KIF13A: variants seen among roughly 807,000 people sequenced by gnomAD.
KIF13A encodes the protein kinesin-like protein KIF13A.
KIF13A carries 79 observed loss-of-function variants against 212.2 expected under a neutral mutation model. The observed-to-expected ratio is 0.37, with a 90% CI of 0.31 to 0.45. KIF13A has a LOEUF of 0.45. Ranked by LOEUF, KIF13A falls within the 20% of genes least tolerant of loss-of-function variation. KIF13A has a pLI of 1.00. For missense variants in KIF13A, 1,901 were observed against 2,209.0 expected, an observed-to-expected ratio of 0.86 and a Z score of 2.79; for synonymous variants, 789 against 808.6, an observed-to-expected ratio of 0.98 and a Z score of 0.41.
chr6:17,854,616 C>T (rs1398541625), intron 6 of KIF13A, among the ~76,000 whole-genome samples: 5 of 117,988 alleles, frequency 4.2e-5, no homozygotes, highest in Admixed American at 3.6e-4. Flanking sequence ...AGTGCAGTGG[C>T]GTGATCTCAA....
intron 2 of KIF13A, among the ~76,000 whole-genome samples, chr6:17,964,791 T>A (rs557736225): frequency 6.6e-6 from 1 of 151,996 alleles, no homozygotes; most frequent in African/African-American, 2.4e-5. Context: ...CCCAGGTCAA[T>A]GTTTTTAGAA....
chr6:17,827,013 G>C (rs1380505783), intron 14 of KIF13A, among the ~76,000 whole-genome samples: 1 of 151,532 alleles, frequency 6.6e-6, no homozygotes, highest in East Asian at 1.9e-4. Context: ...AGTGAGCCGA[G>C]ATCTTGCCAC....
At position 17,764,080 on chromosome 6, in the gene KIF13A, C is replaced by T. The variant is rs776223427; in HGVS notation, c.*30G>A. The T allele has an allele frequency of 4.4e-6, 7 of 1,597,810 alleles. No homozygotes were observed. The Admixed American group carries it at 5.1e-5, about 12-fold the overall frequency. On this transcript the variant is annotated 3_prime_UTR_variant, in exon 39 of 39. Coordinates refer to ENST00000259711, the MANE Select transcript of KIF13A (RefSeq NM_022113.6). This position sits in a 1 kb window ranked among gnomAD's most constrained non-coding sequence, Gnocchi z 5.1. ...CCTACCAAGTTGTTGCGGTGAAGGG[C>T]CTCTGGGGTTGACATACAGTTAGAC...
At chr6:17,885,183 C>A (rs1226901245) in intron 3 of KIF13A, among the ~76,000 whole-genome samples, 1 of 151,966 alleles carries the variant, frequency 6.6e-6, no homozygotes, top group Non-Finnish European at 1.5e-5. Context: ...GAAAGGAAAC[C>A]CCAGCACCAA....
intron 2 of KIF13A, among the ~76,000 whole-genome samples, chr6:17,911,975 G>A (rs1561753382): frequency 6.6e-6 from 1 of 152,112 alleles, no homozygotes; most frequent in Admixed American, 6.6e-5. Context: ...ATGTTGCGCA[G>A]GTGGTCTTGA....
chr6:17,778,816 T>C, intron 33 of KIF13A, 131 bp downstream of exon 33: 2 of 1,063,618 alleles, frequency 1.9e-6, no homozygotes, highest in Admixed American at 4.2e-5. Flanking sequence ...GCCAGAGTCC[T>C]TTCAATAGAG....
At chr6:17,950,949 C>G in intron 2 of KIF13A, 1 of 972,896 alleles carries the variant, frequency 1.0e-6, no homozygotes, top group Non-Finnish European at 1.2e-6. Context: ...ACTTTTAAAA[C>G]TTTCTTAATT....
Position 17,912,443 on chromosome 6 carries a change from G to C in KIF13A, c.147-14263C>G, listed in dbSNP as rs1774160030. Among the ~76,000 whole-genome samples, 1 of 152,212 alleles carries C rather than the reference G, an allele frequency of 6.6e-6. No homozygotes were observed. Among genetic ancestry groups the C allele is most frequent in the Non-Finnish European group, 1.5e-5 (1 of 68,034 alleles). ...CTGACCTTCCGTAGGACGCAGGTTTGAATCAGACACCTATACTTCAAGCTC... is the reference window on the plus strand; with the variant it reads ...CTGACCTTCCGTAGGACGCAGGTTTCAATCAGACACCTATACTTCAAGCTC... On this transcript the variant is annotated intron_variant, in intron 2 of 38. Coordinates refer to ENST00000259711, the MANE Select transcript of KIF13A (RefSeq NM_022113.6). This position sits in a 1 kb window ranked among gnomAD's most constrained non-coding sequence, Gnocchi z 4.2.
Position 17,850,396 on chromosome 6 carries a change from T to C in KIF13A, c.644A>G (p.Asn215Ser). 6.2e-7 allele frequency: 1 copy of C among 1,613,926 alleles called. No individual in the cohort carries two copies. Among genetic ancestry groups the C allele is most frequent in the Non-Finnish European group, 8.5e-7 (1 of 1,179,868 alleles). ...KSRTVAATNM[N>S]EESSRSHAVF... is the part of the protein sequence containing the mutation. ...AGCATGGGAGCGGCTGCTTTCTTCG[T>C]TCATGTTGGTAGCAGCTACCGTTCG... Residue 215 changes from asparagine to serine, a missense_variant, in exon 8 of 39, where the codon AAC becomes AGC. Physicochemically the swap from Asn to Ser is conservative, Grantham distance 46. Around this residue, in one of 5 missense-constraint regions of KIF13A, gnomAD observed 506 missense variants for 637.4 expected, o/e 0.79. Coordinates refer to ENST00000259711, the MANE Select transcript of KIF13A (RefSeq NM_022113.6). This position sits in a 1 kb window ranked among gnomAD's most constrained non-coding sequence, Gnocchi z 6.2.
Position 17,951,257 on chromosome 6 carries a change from A to G in KIF13A, c.146+35797T>C. The G allele has an allele frequency of 1.5e-6, 1 of 654,730 alleles. No individual in the cohort carries two copies. Among genetic ancestry groups the G allele is most frequent in the Non-Finnish European group, 2.4e-6 (1 of 420,164 alleles). The allele number at this position is 654,730 out of a possible 1,614,324, so 40.6% of individuals were successfully genotyped here. A position where few individuals can be genotyped will look rare whatever the true frequency, so the allele number is the denominator to read the frequency against. On this transcript the variant is annotated intron_variant, in intron 2 of 38. Coordinates refer to ENST00000259711, the MANE Select transcript of KIF13A (RefSeq NM_022113.6). This position sits in a 1 kb window ranked among gnomAD's most constrained non-coding sequence, Gnocchi z 4.9. Reference sequence around the variant, plus strand: ...AGCCTCCTGCCTCAGTCTCCTGAGTAGCTGGGACCACAGGTATGCGCCACC... The same window carrying G: ...AGCCTCCTGCCTCAGTCTCCTGAGTGGCTGGGACCACAGGTATGCGCCACC...
At position 17,785,785 on chromosome 6, in the gene KIF13A, C is replaced by T. The variant is rs557491391; in HGVS notation, c.3362-144G>A. The T allele has an allele frequency of 3.5e-5, 29 of 830,288 alleles. No homozygotes were observed. The highest frequency in any genetic ancestry group is 1.2e-4 in the Admixed American group (5 of 41,110). The allele number at this position is 830,288 out of a possible 1,614,324, so 51.4% of individuals were successfully genotyped here. ...AAAATAGTTGGGCAGGGTGGTGGTA[C>T]GCATGCCTGTAGTCCCAGATACTCA... On this transcript the variant is annotated intron_variant, in intron 27 of 38. Transcript: ENST00000259711. The surrounding 1 kb of genome is among the most constrained non-coding windows in gnomAD (Gnocchi z 5.8).
Position 17,825,454 on chromosome 6 carries a change from T to C in KIF13A, c.1786+314A>G, listed in dbSNP as rs987185817. Among the ~76,000 whole-genome samples, 1 of 152,182 alleles carries C rather than the reference T, an allele frequency of 6.6e-6. No homozygotes were observed. The highest frequency in any genetic ancestry group is 1.5e-5 in the Non-Finnish European group (1 of 68,040). On this transcript the variant is annotated intron_variant, in intron 16 of 38. Transcript: ENST00000259711. The surrounding 1 kb of genome is among the most constrained non-coding windows in gnomAD (Gnocchi z 4.5). ...AAGGATTCAGATATGACAGGCTCGA[T>C]GATGAGAAATTTGGTAAGGAATTTT... is the stretch of plus-strand genomic sequence containing the variant.
At chr6:17,964,947 C>A (rs747473656) in intron 2 of KIF13A, among the ~76,000 whole-genome samples, 1 of 151,992 alleles carries the variant, frequency 6.6e-6, no homozygotes, top group African/African-American at 2.4e-5. Context: ...CTCAGCCTCC[C>A]GAGTAGCTGG....
At chr6:17,858,287 G>C (rs1477142167) in intron 4 of KIF13A, among the ~76,000 whole-genome samples, 3 of 152,174 alleles carry the variant, frequency 2.0e-5, no homozygotes, top group Non-Finnish European at 4.4e-5. Context: ...GGTGGAATAT[G>C]TGGATTTTTT....
chr6:17,976,278 C>T (rs1045002223), intron 2 of KIF13A, among the ~76,000 whole-genome samples: 4 of 152,194 alleles, frequency 2.6e-5, no homozygotes, highest in Non-Finnish European at 5.9e-5. Context: ...CAGGAGCCCA[C>T]GGAGCGGGTG....
At chr6:17,761,687 A>C (rs995422286), downstream of KIF13A, among the ~76,000 whole-genome samples, 3 of 151,602 alleles carry the variant, frequency 2.0e-5, no homozygotes, top group Admixed American at 2.0e-4. Flanking sequence ...TCCGCTAAAA[A>C]CTCTTTAAAG....
chr6:17,840,780 CTGCAAGCTGACTGAAGGATG>C (rs1451594902), intron 9 of KIF13A, among the ~76,000 whole-genome samples: 4 of 152,192 alleles, frequency 2.6e-5, no homozygotes, highest in Non-Finnish European at 4.4e-5. Context: ...TATGTCTTGT[CTGCAAGCTGACTGAAGGATG>C]CCAGAATATG....
Position 17,817,231 on chromosome 6 carries a change from G to C in KIF13A, c.1789C>G (p.Pro597Ala). The C allele has an allele frequency of 4.3e-6, 7 of 1,613,836 alleles. No individual in the cohort carries two copies. The highest frequency in any genetic ancestry group is 5.9e-6 in the Non-Finnish European group (7 of 1,179,754). The stretch of plus-strand genomic sequence containing the variant: ...AGGACCTGAACCACATTTTGAACTG[G>C]GTCTAGTGAGCCAAGAGACAAGGCA... The part of the protein sequence containing the change: ...VIMKTLNSND[P>A]VQNVVQVLEK... The change falls in exon 17 of 39, where the codon CCA (proline) becomes GCA (alanine). Residue 597 changes from proline (P) to alanine (A), a missense_variant and splice_region_variant. By Grantham distance (27) the Pro-to-Ala change is conservative. Around this residue, in one of 5 missense-constraint regions of KIF13A, gnomAD observed 534 missense variants for 536.9 expected, o/e 0.99. Transcript: ENST00000259711.
At chr6:17,948,557 CTTTTTTTTTTTTTT>C (rs71002289) in intron 2 of KIF13A, among the ~76,000 whole-genome samples, 1 of 84,148 alleles carries the variant, frequency 1.2e-5, no homozygotes, top group Admixed American at 1.8e-4. Context: ...CATCCATTTA[CTTTTTTTTTTTTTT>C]TTTTTTTTTT....
Sources: gnomAD v4.1 joint callset for allele counts (sites outside exome capture counted in the v4.1 genomes callset) on GRCh38, gnomAD v4.1.1 for gene constraint, gnomAD v4.1.1 regional missense constraint, Gnocchi (gnomAD v3.1) non-coding constraint, MANE v1.5 for transcripts, NCBI Gene and HGNC (gene_info 2026-07-23, HGNC 2026-07-21) for gene names.